Variants in NXPH1 observed in about 807,000 individuals in gnomAD.
The protein encoded by NXPH1 is neurexophilin 1.
A neutral mutation model predicts 23.7 loss-of-function variants in NXPH1; 5 were observed. The ratio of observed to expected loss-of-function variants is 0.21; its 90% CI spans 0.11 to 0.44. The LOEUF is 0.44. Among genes scored for constraint, NXPH1 ranks in the 20% least tolerant of loss-of-function variants. The pLI, the probability that NXPH1 is intolerant of heterozygous loss-of-function variation, is 0.99. For synonymous variants in NXPH1, 144 were observed against 122.2 expected, an observed-to-expected ratio of 1.18 and a Z score of -1.18; for missense variants, 324 against 321.6, an observed-to-expected ratio of 1.01 and a Z score of -0.06.
At chr7:8,533,346 G>A (rs771544404) in intron 2 of NXPH1, among the ~76,000 whole-genome samples, 1 of 152,114 alleles carries the variant, frequency 6.6e-6, no homozygotes, top group Middle Eastern at 3.4e-3. Flanking sequence ...TTAGTGAAAG[G>A]ACTCTTAACC....
chr7:8,473,642 C>A (rs1439194832), intron 2 of NXPH1, among the ~76,000 whole-genome samples: 1 of 151,622 alleles, frequency 6.6e-6, no homozygotes, highest in Non-Finnish European at 1.5e-5. Context: ...GCTGTGTTTT[C>A]TGTATAAATA....
At chr7:8,505,821 AT>A (rs1353167312) in intron 2 of NXPH1, among the ~76,000 whole-genome samples, 1 of 152,126 alleles carries the variant, frequency 6.6e-6, no homozygotes, top group Non-Finnish European at 1.5e-5. Context: ...TCTGAGGAGC[AT>A]GCAGGTGTTT....
chr7:8,544,886 G>C (rs1169505134), intron 2 of NXPH1, among the ~76,000 whole-genome samples: 1 of 151,570 alleles, frequency 6.6e-6, no homozygotes, highest in African/African-American at 2.4e-5. Flanking sequence ...TATATGCAAT[G>C]TCTTATCTTC....
At chr7:8,525,459 A>G (rs1175129092) in intron 2 of NXPH1, among the ~76,000 whole-genome samples, 1 of 152,210 alleles carries the variant, frequency 6.6e-6, no homozygotes, top group Admixed American at 6.5e-5. Context: ...TGGCTGCAGA[A>G]ATTTGCCTAA....
In NXPH1 at chr7:8,627,448, C is replaced by T. The variant is rs952623403; in HGVS notation, c.55-123560C>T. On this transcript the variant is annotated intron_variant, in intron 2 of 2. Coordinates refer to ENST00000405863, the MANE Select transcript of NXPH1 (RefSeq NM_152745.3). ...TCATATAAAACAAAGAAAAGACTTCCAAGCCTTCAATATTCTAAGTTGCCA... is the reference window on the plus strand; with the variant it reads ...TCATATAAAACAAAGAAAAGACTTCTAAGCCTTCAATATTCTAAGTTGCCA... 1.1e-4 allele frequency among the ~76,000 whole-genome samples: 16 copies of T among 152,198 alleles called. No individual in the cohort carries two copies. In the East Asian group the frequency reaches 3.1e-3, roughly 29 times the overall value.
chr7:8,751,289 G>A lies in NXPH1; in HGVS notation c.336G>A (p.Thr112=), dbSNP rs186183722. The A allele has an allele frequency of 5.7e-4, 913 of 1,613,900 alleles. No homozygotes were observed. Among genetic ancestry groups the A allele is most frequent in the Non-Finnish European group, 6.7e-4 (790 of 1,179,854 alleles). The change falls in exon 3 of 3, where the codon ACG becomes ACA. Residue 112 remains threonine (T), a synonymous_variant. Transcript: ENST00000405863. This position sits in a 1 kb window ranked among gnomAD's most constrained non-coding sequence, Gnocchi z 4.5. ...PRAKRRPIVK[T]GKFKKMFGWG... is the part of the protein sequence containing the mutation. ...CCAAGAGAAGGCCCATTGTTAAAACGGGCAAGTTTAAGAAAATGTTTGGAT... is the reference window on the plus strand; with the variant it reads ...CCAAGAGAAGGCCCATTGTTAAAACAGGCAAGTTTAAGAAAATGTTTGGAT...
In NXPH1 at chr7:8,444,962, T is replaced by C. The variant is rs114308998; in HGVS notation, c.54+9195T>C. Among the ~76,000 whole-genome samples the C allele has an allele frequency of 9.9e-3, 1,511 of 152,330 alleles. 23 individuals carry two copies. Among genetic ancestry groups the C allele is most frequent in the African/African-American group, 0.034 (1,422 of 41,556 alleles). On this transcript the variant is annotated intron_variant, in intron 2 of 2. Transcript: ENST00000405863. ...TATTGTGATTACCTGAGTGTCTTTG[T>C]TTCCTTGTGGTCAGAGACAGCTAGC...
rs577125834 is a variant in NXPH1, at chr7:8,675,685, C to T, written c.55-75323C>T. ...GGACAGATAGAGTGATGATGGTTAA[C>T]ATCTGTGGTACATTTTAAAGTATGA... On this transcript the variant is annotated intron_variant, in intron 2 of 2. Transcript: ENST00000405863. Among the ~76,000 whole-genome samples, 35 of 152,226 alleles carry T rather than the reference C, an allele frequency of 2.3e-4. No homozygotes were observed. In the South Asian group the frequency reaches 2.7e-3, roughly 12 times the overall value.
intron 2 of NXPH1, among the ~76,000 whole-genome samples, chr7:8,692,542 A>G (rs1400245211): frequency 6.6e-6 from 1 of 152,200 alleles, no homozygotes; most frequent in Non-Finnish European, 1.5e-5. Context: ...AGAACTCAGA[A>G]GGGACTTATA....
chr7:8,511,078 C>A (rs1465758977), intron 2 of NXPH1, among the ~76,000 whole-genome samples: 3 of 152,100 alleles, frequency 2.0e-5, no homozygotes, highest in African/African-American at 4.8e-5. Flanking sequence ...AACAATAGAG[C>A]TTGGTTTAAC....
chr7:8,452,290 C>A (rs1484303577), intron 2 of NXPH1, among the ~76,000 whole-genome samples: 3 of 152,300 alleles, frequency 2.0e-5, no homozygotes, highest in African/African-American at 7.2e-5. Flanking sequence ...TGCTGACAAA[C>A]CCATCCAGTC....
chr7:8,669,195 C>T (rs1041987071), intron 2 of NXPH1, among the ~76,000 whole-genome samples: 1 of 152,172 alleles, frequency 6.6e-6, no homozygotes, highest in Non-Finnish European at 1.5e-5. Flanking sequence ...CAGCCCAAGA[C>T]TGGGCAGACA....
At chr7:8,690,183 A>G (rs1422683044) in intron 2 of NXPH1, 1 of 152,236 alleles carries the variant, frequency 6.6e-6, no homozygotes, top group Admixed American at 6.5e-5. Context: ...AACATCTGCC[A>G]GAAGAGTGCA....
At chr7:8,622,301 G>A (rs1328549708) in intron 2 of NXPH1, among the ~76,000 whole-genome samples, 2 of 152,124 alleles carry the variant, frequency 1.3e-5, no homozygotes, top group Non-Finnish European at 2.9e-5. Context: ...TATTCCCTTT[G>A]TATAGACAAT....
chr7:8,558,304 A>G (rs186474334), intron 2 of NXPH1, among the ~76,000 whole-genome samples: 198 of 151,500 alleles, frequency 1.3e-3, no homozygotes, highest in Non-Finnish European at 2.0e-3. Context: ...GGGAGGTGGG[A>G]ACTCCTGTGC....
intron 2 of NXPH1, among the ~76,000 whole-genome samples, chr7:8,518,640 C>A (rs1054269948): frequency 2.0e-5 from 3 of 151,862 alleles, no homozygotes; most frequent in Non-Finnish European, 1.5e-5. Context: ...GTACAGGACA[C>A]CACACTCAGC....
At chr7:8,609,673 G>C (rs1819574826) in intron 2 of NXPH1, among the ~76,000 whole-genome samples, 3 of 152,136 alleles carry the variant, frequency 2.0e-5, no homozygotes, top group Admixed American at 2.0e-4. Context: ...CCTCCATTGT[G>C]TTGTAGATTT....
At chr7:8,686,436 A>C (rs543109646) in intron 2 of NXPH1, among the ~76,000 whole-genome samples, 9 of 152,316 alleles carry the variant, frequency 5.9e-5, no homozygotes, top group African/African-American at 2.2e-4. Context: ...AATAATGCAG[A>C]AAATATCAGG....
intron 2 of NXPH1, among the ~76,000 whole-genome samples, chr7:8,726,496 C>A (rs1009829586): frequency 8.0e-6 from 1 of 124,760 alleles, no homozygotes; most frequent in African/African-American, 3.0e-5. Flanking sequence ...TCCCCCCACC[C>A]CACAACAGTC....
Sources: allele counts gnomAD v4.1 joint callset (sites outside exome capture counted in the v4.1 genomes callset), GRCh38; gene constraint gnomAD v4.1.1; non-coding constraint Gnocchi (gnomAD v3.1); transcripts MANE v1.5; gene names NCBI Gene and HGNC (gene_info 2026-07-23, HGNC 2026-07-21).